Variants in SAMMSON observed in about 807,000 individuals in gnomAD.
SAMMSON encodes the protein survival associated mitochondrial melanoma specific oncogenic non-coding RNA.
chr3:70,312,535 A>C (rs1433010813), intron 7 of SAMMSON: 3 of 152,184 alleles, frequency 2.0e-5, no homozygotes, highest in Admixed American at 6.5e-5. Context: ...TTGAATCAGC[A>C]CTGCAAGGTA....
chr3:70,325,681 A>T (rs1048336626), intron 7 of SAMMSON, among the ~76,000 whole-genome samples: 1 of 152,184 alleles, frequency 6.6e-6, no homozygotes, highest in Admixed American at 6.5e-5. Context: ...GGAATAAAAT[A>T]TGTGTGGCTA....
chr3:70,076,673 G>T (rs899896516), intron 4 of SAMMSON, among the ~76,000 whole-genome samples: 1 of 152,082 alleles, frequency 6.6e-6, no homozygotes, highest in Admixed American at 6.6e-5. Context: ...AGATAACAGG[G>T]TGCTGAAGAG....
At chr3:70,281,555 A>G (rs1333734882) in intron 6 of SAMMSON, among the ~76,000 whole-genome samples, 5 of 152,192 alleles carry the variant, frequency 3.3e-5, no homozygotes. Context: ...TGTCTAGCAC[A>G]GGGTAAAAGC....
intron 7 of SAMMSON, among the ~76,000 whole-genome samples, chr3:70,297,001 C>A (rs1702295694): frequency 6.6e-6 from 1 of 151,976 alleles, no homozygotes; most frequent in South Asian, 2.1e-4. Flanking sequence ...CAACCGCCTC[C>A]CCCACCACAC....
chr3:70,223,710 G>A (rs1701479548), intron 4 of SAMMSON, among the ~76,000 whole-genome samples: 1 of 152,116 alleles, frequency 6.6e-6, no homozygotes, highest in Non-Finnish European at 1.5e-5. Flanking sequence ...AGTTTTAAGA[G>A]CATCCTAGAA....
intron 7 of SAMMSON, among the ~76,000 whole-genome samples, chr3:70,352,522 A>G (rs1047338369): frequency 3.9e-5 from 6 of 152,240 alleles, no homozygotes; most frequent in South Asian, 4.1e-4. Context: ...TAAGTTCTCT[A>G]AACAGAAAGA....
chr3:70,299,936 C>T (rs1316880191), intron 7 of SAMMSON, among the ~76,000 whole-genome samples: 1 of 152,106 alleles, frequency 6.6e-6, no homozygotes, highest in Non-Finnish European at 1.5e-5. Context: ...CACGCCCTTT[C>T]TCCAGTCAAA....
exon 10 of SAMMSON, chr3:70,389,606 G>A (rs553373739): frequency 6.6e-6 from 1 of 152,208 alleles, no homozygotes; most frequent in African/African-American, 2.4e-5. Flanking sequence ...CTTGTATACA[G>A]GCTGGCCTTT....
intron 7 of SAMMSON, among the ~76,000 whole-genome samples, chr3:70,326,480 G>A (rs1702580825): frequency 1.3e-5 from 2 of 152,154 alleles, no homozygotes; most frequent in South Asian, 4.1e-4. Flanking sequence ...AGTTATTATT[G>A]TTGTTGTGCA....
intron 4 of SAMMSON, among the ~76,000 whole-genome samples, chr3:70,158,084 C>T (rs1431626117): frequency 2.0e-5 from 3 of 152,040 alleles, no homozygotes; most frequent in South Asian, 2.1e-4. Context: ...ACCCTTTTGA[C>T]GTGTACAGTT....
At chr3:70,268,170 C>A (rs1701938976) in intron 6 of SAMMSON, among the ~76,000 whole-genome samples, 1 of 151,970 alleles carries the variant, frequency 6.6e-6, no homozygotes. Flanking sequence ...GCACAGCCAC[C>A]TTATTATCAA....
At chr3:70,053,317 C>T (rs2067153208) in intron 3 of SAMMSON, among the ~76,000 whole-genome samples, 1 of 152,128 alleles carries the variant, frequency 6.6e-6, no homozygotes, top group African/African-American at 2.4e-5. Context: ...TAGCCTTTTC[C>T]ATGCATTACA....
intron 9 of SAMMSON, among the ~76,000 whole-genome samples, chr3:70,374,583 G>A (rs938884911): frequency 3.9e-5 from 6 of 152,066 alleles, no homozygotes; most frequent in African/African-American, 1.4e-4. Context: ...TGATAATACT[G>A]CCTTGGTTGG....
chr3:70,123,977 T>A (rs1019325066), intron 4 of SAMMSON, among the ~76,000 whole-genome samples: 3 of 152,244 alleles, frequency 2.0e-5, no homozygotes, highest in African/African-American at 4.8e-5. Context: ...CCATTTTCAA[T>A]GTTGTTGCCT....
intron 3 of SAMMSON, among the ~76,000 whole-genome samples, chr3:70,027,423 G>T (rs1172606531): frequency 1.3e-5 from 2 of 152,206 alleles, no homozygotes; most frequent in Non-Finnish European, 2.9e-5. Flanking sequence ...GACTAAATTA[G>T]AGTTTTCTTG....
chr3:70,006,715 A>T (rs1375612543), intron 1 of SAMMSON, among the ~76,000 whole-genome samples: 1 of 151,644 alleles, frequency 6.6e-6, no homozygotes, highest in African/African-American at 2.4e-5. Flanking sequence ...CGTGCAGGTT[A>T]GTTACATATG....
chr3:70,082,653 T>C (rs2067271265), intron 4 of SAMMSON, among the ~76,000 whole-genome samples: 1 of 152,184 alleles, frequency 6.6e-6, no homozygotes, highest in Admixed American at 6.5e-5. Flanking sequence ...TATGAACAGA[T>C]GTTTGAACCC....
Position 70,157,048 on chromosome 3 carries a change from G to T in SAMMSON, n.507+85483G>T, listed in dbSNP as rs142064795. Reference sequence around the variant, plus strand: ...TCTTGGATTCTTAACCCTTTCGAAAGCAGGGTAAAAAGATATAGTCATGGG... The same window carrying T: ...TCTTGGATTCTTAACCCTTTCGAAATCAGGGTAAAAAGATATAGTCATGGG... On this transcript the variant is annotated intron_variant and non_coding_transcript_variant, in intron 4 of 9. Coordinates refer to ENST00000642114, the Ensembl canonical transcript of SAMMSON. Among the ~76,000 whole-genome samples, 512 of 152,164 alleles carry T rather than the reference G, an allele frequency of 3.4e-3. 1 individual carries two copies. The highest frequency in any genetic ancestry group is 0.011 in the African/African-American group (477 of 41,542).
intron 4 of SAMMSON, among the ~76,000 whole-genome samples, chr3:70,136,075 AT>A (rs762053355): frequency 8.6e-5 from 13 of 152,004 alleles, no homozygotes; most frequent in Non-Finnish European, 1.2e-4. Flanking sequence ...TCAGATTTTT[AT>A]TTGTAAAACA....
Sources: gnomAD v4.1 joint callset for allele counts (sites outside exome capture counted in the v4.1 genomes callset) on GRCh38, gnomAD v4.1.1 for gene constraint, MANE v1.5 for transcripts, NCBI Gene and HGNC (gene_info 2026-07-23, HGNC 2026-07-21) for gene names.